FHIT: variants seen among roughly 807,000 people sequenced by gnomAD.
FHIT encodes the protein bis(5'-adenosyl)-triphosphatase.
In FHIT, 19 loss-of-function variants were observed where a neutral mutation model predicts 17.9. That is an observed-to-expected ratio of 1.06 (90% CI 0.74 to 1.56). The LOEUF (loss-of-function observed/expected upper bound fraction) is 1.56, where lower values mean the gene tolerates loss of function less well. Ranked by LOEUF, FHIT falls within the 40% of genes most tolerant of loss-of-function variation. FHIT has a pLI of 0.00. For missense variants in FHIT, 248 were observed against 189.2 expected, an observed-to-expected ratio of 1.31 and a Z score of -1.82; for synonymous variants, 81 against 69.7, an observed-to-expected ratio of 1.16 and a Z score of -0.81.
intron 5 of FHIT, among the ~76,000 whole-genome samples, chr3:60,368,047 T>A (rs910138536): frequency 5.3e-5 from 8 of 152,158 alleles, no homozygotes; most frequent in Admixed American, 3.3e-4. Context: ...ATGCTTTTGA[T>A]GGACTATCGG....
chr3:61,242,874 GT>G (rs879675794), intron 1 of FHIT, among the ~76,000 whole-genome samples: 1 of 152,162 alleles, frequency 6.6e-6, no homozygotes, highest in Non-Finnish European at 1.5e-5. Context: ...CTAGTGCAAG[GT>G]TGGAAAAATA....
rs190415307 is a variant in FHIT, at chr3:60,506,902, C to T, written c.103+29958G>A. On this transcript the variant is annotated intron_variant, in intron 5 of 9. Coordinates refer to ENST00000492590, the MANE Select transcript of FHIT (RefSeq NM_002012.4). ...CAGGTTGTTGCCCCATAAAAACTGACGGATATACTATCCCTAAGTCTTAAT... is the reference window on the plus strand; with the variant it reads ...CAGGTTGTTGCCCCATAAAAACTGATGGATATACTATCCCTAAGTCTTAAT... Among the ~76,000 whole-genome samples the T allele has an allele frequency of 4.9e-4, 75 of 152,220 alleles. 1 individual carries two copies. The South Asian group carries it at 0.013, about 27-fold the overall frequency.
At chr3:60,031,012 T>G (rs1025656992) in intron 5 of FHIT, among the ~76,000 whole-genome samples, 2 of 152,312 alleles carry the variant, frequency 1.3e-5, no homozygotes, top group South Asian at 4.2e-4. Context: ...ATTCTTCCAA[T>G]GGGTGATCTC....
intron 8 of FHIT, among the ~76,000 whole-genome samples, chr3:59,760,139 A>G (rs1048551659): frequency 6.6e-6 from 1 of 152,220 alleles, no homozygotes; most frequent in Non-Finnish European, 1.5e-5. Flanking sequence ...TGACTTAAGC[A>G]TAACTTACTT....
At chr3:60,439,475 C>G (rs759664731) in intron 5 of FHIT, among the ~76,000 whole-genome samples, 7 of 152,084 alleles carry the variant, frequency 4.6e-5, no homozygotes, top group Non-Finnish European at 8.8e-5. Flanking sequence ...GCTCTACCCA[C>G]CCCGGTTACC....
At chr3:60,533,973 G>C (rs2035883164) in intron 5 of FHIT, among the ~76,000 whole-genome samples, 1 of 152,114 alleles carries the variant, frequency 6.6e-6, no homozygotes, top group Non-Finnish European at 1.5e-5. Context: ...GGCTAGACTA[G>C]GGCAGGCAGG....
intron 2 of FHIT, among the ~76,000 whole-genome samples, chr3:61,162,456 C>G: frequency 6.6e-6 from 1 of 152,206 alleles, no homozygotes; most frequent in African/African-American, 2.4e-5. Context: ...CATGGTGGAT[C>G]ATACTCAAGG....
chr3:61,248,541 G>C (rs1305991808), intron 1 of FHIT, among the ~76,000 whole-genome samples: 2 of 152,160 alleles, frequency 1.3e-5, no homozygotes, highest in South Asian at 2.1e-4. Context: ...ATATTAGAGG[G>C]TCAGATTTTA....
At chr3:60,432,095 C>A (rs1702931695) in intron 5 of FHIT, among the ~76,000 whole-genome samples, 1 of 152,088 alleles carries the variant, frequency 6.6e-6, no homozygotes, top group Non-Finnish European at 1.5e-5. Flanking sequence ...CCCACCTCAG[C>A]CTCCTGAGTA....
At chr3:60,220,754 T>G (rs892754698) in intron 5 of FHIT, among the ~76,000 whole-genome samples, 4 of 152,158 alleles carry the variant, frequency 2.6e-5, no homozygotes, top group African/African-American at 9.6e-5. Flanking sequence ...GCACCAAAAA[T>G]CTTGTTTTCC....
chr3:59,890,484 T>C (rs1221931079), intron 8 of FHIT, among the ~76,000 whole-genome samples: 5 of 152,194 alleles, frequency 3.3e-5, no homozygotes, highest in African/African-American at 1.2e-4. Flanking sequence ...GAACACTCTG[T>C]GCTGCCTCGG....
intron 5 of FHIT, among the ~76,000 whole-genome samples, chr3:60,160,151 T>A (rs540738082): frequency 6.6e-6 from 1 of 152,068 alleles, no homozygotes; most frequent in Non-Finnish European, 1.5e-5. Context: ...TGTCTGTGTG[T>A]CTGTGTGTCT....
intron 5 of FHIT, among the ~76,000 whole-genome samples, chr3:60,103,884 C>T (rs17377293): frequency 0.031 from 4,720 of 152,290 alleles, 100 homozygotes; most frequent in Non-Finnish European, 0.042. Context: ...GTCGCTTGTG[C>T]ATAATATTGC....
intron 4 of FHIT, among the ~76,000 whole-genome samples, chr3:60,762,324 G>A (rs58141986): frequency 2.0e-4 from 30 of 152,276 alleles, no homozygotes; most frequent in African/African-American, 7.0e-4. Flanking sequence ...GAATTTGATA[G>A]GCAGGGCTTC....
chr3:59,756,322 C>G (rs1701216903), intron 8 of FHIT, among the ~76,000 whole-genome samples: 1 of 152,140 alleles, frequency 6.6e-6, no homozygotes, highest in Non-Finnish European at 1.5e-5. Context: ...TCCTTCAGCT[C>G]TAAAGTGACC....
At chr3:59,955,844 C>G (rs553978978) in intron 7 of FHIT, among the ~76,000 whole-genome samples, 1 of 152,310 alleles carries the variant, frequency 6.6e-6, no homozygotes, top group African/African-American at 2.4e-5. Flanking sequence ...TGTCTCTCAT[C>G]TGAATGACGG....
At chr3:60,436,319 G>C (rs2030233714) in intron 5 of FHIT, among the ~76,000 whole-genome samples, 1 of 152,066 alleles carries the variant, frequency 6.6e-6, no homozygotes, top group Non-Finnish European at 1.5e-5. Flanking sequence ...CAAAGCACTA[G>C]AATTACAGGT....
At chr3:60,711,044 C>A (rs1407561492) in intron 4 of FHIT, among the ~76,000 whole-genome samples, 2 of 152,170 alleles carry the variant, frequency 1.3e-5, no homozygotes, top group Non-Finnish European at 2.9e-5. Context: ...CAGACTGACA[C>A]CTCACACGGC....
chr3:60,418,388 A>G (rs1702336312), intron 5 of FHIT, among the ~76,000 whole-genome samples: 2 of 28,072 alleles, frequency 7.1e-5, no homozygotes, highest in African/African-American at 9.2e-5. Context: ...ATATATATAT[A>G]TATATATATA....
Sources: gnomAD v4.1 joint callset for allele counts (sites outside exome capture counted in the v4.1 genomes callset) on GRCh38, gnomAD v4.1.1 for gene constraint, MANE v1.5 for transcripts, NCBI Gene and HGNC (gene_info 2026-07-23, HGNC 2026-07-21) for gene names.